The following NCOA2 variants were observed in gnomAD, a reference collection of about 807,000 sequenced individuals.
NCOA2 encodes nuclear receptor coactivator 2, also known as class E basic helix-loop-helix protein 75.
In NCOA2, 21 loss-of-function variants were observed where a neutral mutation model predicts 145.1. The ratio of observed to expected loss-of-function variants is 0.14; its 90% CI spans 0.10 to 0.21. NCOA2 has a LOEUF of 0.21. Among genes scored for constraint, NCOA2 ranks in the 10% least tolerant of loss-of-function variants. The pLI, the probability that NCOA2 is intolerant of heterozygous loss-of-function variation, is 1.00. For missense variants in NCOA2, 1,472 were observed against 1,837.6 expected, an observed-to-expected ratio of 0.80 and a Z score of 3.64; for synonymous variants, 619 against 637.5, an observed-to-expected ratio of 0.97 and a Z score of 0.44.
At chr8:70,238,591 C>T (rs574469405) in intron 2 of NCOA2, among the ~76,000 whole-genome samples, 1 of 152,282 alleles carries the variant, frequency 6.6e-6, no homozygotes, top group East Asian at 1.9e-4. Flanking sequence ...GAATTGCCAA[C>T]AACACAAGGA....
intron 1 of NCOA2, among the ~76,000 whole-genome samples, chr8:70,309,414 A>T (rs1409060958): frequency 2.7e-5 from 4 of 150,272 alleles, no homozygotes; most frequent in African/African-American, 9.6e-5. Flanking sequence ...TGGAAACCAG[A>T]ATGGCAACAA....
At chr8:70,295,667 C>T (rs1305742732) in intron 2 of NCOA2, among the ~76,000 whole-genome samples, 2 of 152,054 alleles carry the variant, frequency 1.3e-5, no homozygotes, top group Non-Finnish European at 2.9e-5. Context: ...AGAGTCTGGG[C>T]GCAGTGGCTC....
chr8:70,119,160 C>CTTCT (rs33953043), intron 22 of NCOA2, among the ~76,000 whole-genome samples: 58,389 of 151,570 alleles, frequency 0.39, 13,893 homozygotes, highest in East Asian at 0.7. Context: ...ACATTTATTC[C>CTTCT]AACTGTATGT....
chr8:70,451,047 C>A, the NCOA2 span, among the ~76,000 whole-genome samples: 4 of 149,608 alleles, frequency 2.7e-5, no homozygotes, highest in East Asian at 3.9e-4. Context: ...GAAAGCCTGT[C>A]TCTACAAAAA....
intron 4 of NCOA2, among the ~76,000 whole-genome samples, chr8:70,192,249 C>T (rs1816773121): frequency 6.6e-6 from 1 of 152,190 alleles, no homozygotes; most frequent in South Asian, 2.1e-4. Flanking sequence ...ATCCTTACTC[C>T]CCAAAGAGTT....
At chr8:70,225,197 G>A (rs1468250688) in intron 2 of NCOA2, among the ~76,000 whole-genome samples, 4 of 152,124 alleles carry the variant, frequency 2.6e-5, no homozygotes, top group African/African-American at 9.7e-5. Context: ...GGGAGAGGGT[G>A]GGGAATAGTA....
intron 1 of NCOA2, among the ~76,000 whole-genome samples, chr8:70,382,610 AG>A (rs1643308883): frequency 6.6e-6 from 1 of 152,220 alleles, no homozygotes; most frequent in African/African-American, 2.4e-5. Flanking sequence ...GGAAGCTAGT[AG>A]ATATCTATTT....
At chr8:70,264,573 A>G (rs913258242) in intron 2 of NCOA2, among the ~76,000 whole-genome samples, 2 of 152,234 alleles carry the variant, frequency 1.3e-5, no homozygotes, top group African/African-American at 4.8e-5. Context: ...ATTGGAATAA[A>G]TTGAAAATAT....
At chr8:70,175,046 A>T (rs1814673774) in intron 4 of NCOA2, among the ~76,000 whole-genome samples, 187 bp from the exon 5 acceptor site, 1 of 152,234 alleles carries the variant, frequency 6.6e-6, no homozygotes, top group African/African-American at 2.4e-5. Flanking sequence ...CAGAACATTA[A>T]CTTTTCACCT....
chr8:70,357,408 GT>G (rs1310016978), intron 1 of NCOA2: 1 of 151,806 alleles, frequency 6.6e-6, no homozygotes, highest in Non-Finnish European at 1.5e-5. Context: ...AGATTTATTT[GT>G]TTCTTCTCCA....
upstream of NCOA2, among the ~76,000 whole-genome samples, chr8:70,404,457 C>A (rs1814671932): frequency 6.6e-6 from 1 of 152,148 alleles, no homozygotes; most frequent in South Asian, 2.1e-4. Context: ...TGCACCCCCT[C>A]GGGCGCACCT....
At chr8:70,454,562 C>T in the NCOA2 span, among the ~76,000 whole-genome samples, 1 of 152,196 alleles carries the variant, frequency 6.6e-6, no homozygotes, top group Admixed American at 6.5e-5. Context: ...AAGCAGACTC[C>T]AATTTTTAGC....
In NCOA2 at chr8:70,376,914, G is replaced by A. The variant is rs73684288; in HGVS notation, c.-77+26786C>T. Among the ~76,000 whole-genome samples the A allele has an allele frequency of 6.8e-3, 1,032 of 152,272 alleles. 13 individuals carry two copies. The highest frequency in any genetic ancestry group is 0.024 in the Middle Eastern group (7 of 294). On this transcript the variant is annotated intron_variant, in intron 1 of 22. Coordinates refer to ENST00000452400, the MANE Select transcript of NCOA2 (RefSeq NM_006540.4). Reference sequence around the variant, plus strand: ...TAGTCACTGATGATGCCAGAGCTCCGCTGGCCTGTACTTGACCCCTGGAGC... The same window carrying A: ...TAGTCACTGATGATGCCAGAGCTCCACTGGCCTGTACTTGACCCCTGGAGC...
chr8:70,405,442 T>TTG (rs1814731697), upstream of NCOA2, among the ~76,000 whole-genome samples: 1 of 116,052 alleles, frequency 8.6e-6, no homozygotes, highest in Admixed American at 8.3e-5. Context: ...TAAAGGTTTT[T>TTG]TTTTTTTTTT....
intron 4 of NCOA2, among the ~76,000 whole-genome samples, chr8:70,197,426 C>T (rs966799523): frequency 7.2e-5 from 11 of 152,192 alleles, no homozygotes; most frequent in Admixed American, 1.3e-4. Context: ...TGGGTCCCTA[C>T]GTCAGGGAGG....
At chr8:70,312,389 G>T (rs544300210) in intron 1 of NCOA2, among the ~76,000 whole-genome samples, 2 of 152,186 alleles carry the variant, frequency 1.3e-5, no homozygotes, top group South Asian at 4.1e-4. Context: ...CTAAATCAAT[G>T]TATCTTTCTT....
chr8:70,430,511 A>G, the NCOA2 span, among the ~76,000 whole-genome samples: 1 of 152,222 alleles, frequency 6.6e-6, no homozygotes, highest in Non-Finnish European at 1.5e-5. Context: ...GATAGCCAAC[A>G]TAGTCATCTC....
chr8:70,415,004 C>G, the NCOA2 span, among the ~76,000 whole-genome samples: 888 of 152,116 alleles, frequency 5.8e-3, 5 homozygotes, highest in African/African-American at 0.02. Flanking sequence ...AGTTTCTACT[C>G]TAGTTCAAGT....
At chr8:70,184,949 C>T (rs1308947120) in intron 4 of NCOA2, among the ~76,000 whole-genome samples, 2 of 152,188 alleles carry the variant, frequency 1.3e-5, no homozygotes, top group Non-Finnish European at 2.9e-5. Flanking sequence ...CTCCCTGCTC[C>T]TCACTTCCTT....
Sources: gnomAD v4.1 joint callset for allele counts (sites outside exome capture counted in the v4.1 genomes callset) on GRCh38, gnomAD v4.1.1 for gene constraint, MANE v1.5 for transcripts, NCBI Gene and HGNC (gene_info 2026-07-23, HGNC 2026-07-21) for gene names.